The following RALGPS1 variants were observed in gnomAD, a reference collection of about 807,000 sequenced individuals.
RALGPS1 encodes Ral GEF with PH domain and SH3 binding motif 1.
In RALGPS1, 19 loss-of-function variants were observed where a neutral mutation model predicts 78.8. That is an observed-to-expected ratio of 0.24 (90% CI 0.17 to 0.35). The LOEUF is 0.35. Ranked by LOEUF, RALGPS1 falls within the 10% of genes least tolerant of loss-of-function variation. RALGPS1 has a pLI of 1.00. For synonymous variants in RALGPS1, 228 were observed against 256.3 expected (o/e 0.89, Z 1.06); for missense variants, 454 against 688.3 (o/e 0.66, Z 3.81).
intron 8 of RALGPS1, among the ~76,000 whole-genome samples, chr9:127,098,423 T>C (rs2136697233): frequency 6.6e-6 from 1 of 152,220 alleles, no homozygotes; most frequent in Middle Eastern, 3.4e-3. Context: ...AGACCACATT[T>C]ACATTCTTGG....
chr9:127,161,780 A>C (rs1564693720), intron 8 of RALGPS1, among the ~76,000 whole-genome samples: 1 of 152,202 alleles, frequency 6.6e-6, no homozygotes, highest in African/African-American at 2.4e-5. Flanking sequence ...GGCTGGAGTA[A>C]AAGAAGAACC....
At chr9:127,051,541 A>G (rs912749995) in intron 6 of RALGPS1, among the ~76,000 whole-genome samples, 10 of 152,264 alleles carry the variant, frequency 6.6e-5, no homozygotes, top group African/African-American at 2.4e-4. Flanking sequence ...ATGCAGATAC[A>G]TAGAATGAAA....
intron 4 of RALGPS1, among the ~76,000 whole-genome samples, chr9:127,014,716 A>G (rs984364918): frequency 6.6e-6 from 1 of 152,012 alleles, no homozygotes; most frequent in Non-Finnish European, 1.5e-5. Context: ...CTAGGTTGAG[A>G]CAGCCTTCAG....
At position 127,220,651 on chromosome 9, in the gene RALGPS1, G is replaced by A. The variant is rs1446176995; in HGVS notation, c.*1882G>A. The A allele has an allele frequency of 2.0e-5, 3 of 152,192 alleles. No individual in the cohort carries two copies. The highest frequency in any genetic ancestry group is 1.5e-5 in the Non-Finnish European group (1 of 68,046). The allele number at this position is 152,192 out of a possible 1,614,324, so 9.4% of individuals were successfully genotyped here. On this transcript the variant is annotated 3_prime_UTR_variant, in exon 19 of 19. Coordinates refer to ENST00000259351, the MANE Select transcript of RALGPS1 (RefSeq NM_014636.3). Reference sequence around the variant, plus strand: ...TGACAATGCCAAACACTCCACCTCTGATCAGAACCATGCAGTGTTAACACT... The same window carrying A: ...TGACAATGCCAAACACTCCACCTCTAATCAGAACCATGCAGTGTTAACACT...
chr9:127,058,330 C>T (rs1467949230), intron 7 of RALGPS1, among the ~76,000 whole-genome samples: 2 of 152,194 alleles, frequency 1.3e-5, no homozygotes, highest in Non-Finnish European at 1.5e-5. Context: ...CACAATCTGG[C>T]TTCCAGTTGC....
intron 14 of RALGPS1, among the ~76,000 whole-genome samples, chr9:127,199,605 C>CCTCTGCCTCCCTCGAGGATCT (rs2061519813): frequency 6.6e-6 from 1 of 152,122 alleles, no homozygotes; most frequent in Non-Finnish European, 1.5e-5. Context: ...CTCGAGGATC[C>CCTCTGCCTCCCTCGAGGATCT]CTTGGCCCAG....
intron 3 of RALGPS1, among the ~76,000 whole-genome samples, chr9:126,976,949 G>A (rs1415310019): frequency 1.3e-5 from 2 of 152,208 alleles, no homozygotes; most frequent in African/African-American, 2.4e-5. Context: ...AACCTGATGT[G>A]TGTCTTCTCT....
chr9:127,187,426 C>G (rs908431058), intron 11 of RALGPS1, among the ~76,000 whole-genome samples: 1 of 152,252 alleles, frequency 6.6e-6, no homozygotes, highest in Admixed American at 6.5e-5. Context: ...CTGCCTCCAG[C>G]GTGCAGTAGC....
Position 127,108,716 on chromosome 9 carries a change from C to T in RALGPS1, c.610+39360C>T, listed in dbSNP as rs555198827. On this transcript the variant is annotated intron_variant, in intron 8 of 18. Transcript: ENST00000259351. ...AGCAGTCCGAGCCACCAGCATGTCA[C>T]GCACAGTGGCCTCATGGTCCTTGCA... 1.4e-5 allele frequency: 22 copies of T among 1,608,254 alleles called. 2 individuals carry two copies. The highest frequency in any genetic ancestry group is 1.8e-4 in the Middle Eastern group (1 of 5,576).
At chr9:126,922,239 C>T (rs966277967) in intron 1 of RALGPS1, among the ~76,000 whole-genome samples, 1 of 151,920 alleles carries the variant, frequency 6.6e-6, no homozygotes, top group Non-Finnish European at 1.5e-5. Flanking sequence ...TGATACTTTC[C>T]CTCTTCAGGA....
At chr9:127,095,065 G>A (rs189865926) in intron 8 of RALGPS1, among the ~76,000 whole-genome samples, 1 of 152,326 alleles carries the variant, frequency 6.6e-6, no homozygotes, top group Non-Finnish European at 1.5e-5. Flanking sequence ...GAAAATGGCT[G>A]AAAGAAAGAA....
rs7024286 is a variant in RALGPS1 at position 127,089,014 on chromosome 9, A to C, written c.610+19658A>C. The C allele has an allele frequency of 2.0e-3, 3,209 of 1,614,224 alleles. 57 individuals carry two copies. In the African/African-American group the frequency reaches 0.039, roughly 20 times the overall value. Reference sequence around the variant, plus strand: ...GTGAGTAAGAGCCTCCTCGGAACTCAGCCCAGTAGACTCCGTCCTGGTAGC... The same window carrying C: ...GTGAGTAAGAGCCTCCTCGGAACTCCGCCCAGTAGACTCCGTCCTGGTAGC... On this transcript the variant is annotated intron_variant, in intron 8 of 18. Transcript: ENST00000259351.
At chr9:127,168,840 G>A in intron 10 of RALGPS1, 68 bp downstream of exon 10, 1 of 1,328,336 alleles carries the variant, frequency 7.5e-7, no homozygotes, top group South Asian at 1.2e-5. Flanking sequence ...TCAGGTCCCT[G>A]CAAGTGGCCT....
intron 4 of RALGPS1, among the ~76,000 whole-genome samples, chr9:127,023,121 T>C (rs562588507): frequency 3.9e-4 from 60 of 152,200 alleles, no homozygotes; most frequent in Admixed American, 7.8e-4. Flanking sequence ...ATCATCATCA[T>C]CACCACCACC....
intron 1 of RALGPS1, among the ~76,000 whole-genome samples, chr9:126,944,593 A>AG (rs2037088496): frequency 8.7e-5 from 1 of 11,432 alleles, no homozygotes; most frequent in African/African-American, 3.9e-4. Context: ...GTGGGGAGGG[A>AG]GGGTGGGATA....
chr9:127,173,498 ACCT>A (rs1468366141), intron 10 of RALGPS1, among the ~76,000 whole-genome samples: 14 of 151,976 alleles, frequency 9.2e-5, no homozygotes, highest in Admixed American at 9.2e-4. Context: ...GTTTAGTTGC[ACCT>A]GGTGAGTTCT....
At position 127,222,414 on chromosome 9, in the gene RALGPS1, G is replaced by A. The variant is rs1463089837; in HGVS notation, c.*3645G>A. 2 of 152,222 alleles carry A rather than the reference G, an allele frequency of 1.3e-5. No individual in the cohort carries two copies. Among genetic ancestry groups the A allele is most frequent in the African/African-American group, 4.8e-5 (2 of 41,448 alleles). The allele number at this position is 152,222 out of a possible 1,614,324, so 9.4% of individuals were successfully genotyped here. A position where few individuals can be genotyped will look rare whatever the true frequency, so the allele number is the denominator to read the frequency against. On this transcript the variant is annotated 3_prime_UTR_variant, in exon 19 of 19. Transcript: ENST00000259351. ...AGTTGGGCACGCCAAGGATTCCAAA[G>A]GTGGAATGAGAGAGTAGGGTCAAAC...
In RALGPS1 at chr9:127,111,210, G is replaced by A. The variant is rs901331124; in HGVS notation, c.610+41854G>A. ...CTTGCTGGTCCCTGCCCCCTTCTTC[G>A]TTGTTTGTTCCCTTACCTCTTTCAA... On this transcript the variant is annotated intron_variant, in intron 8 of 18. Coordinates refer to ENST00000259351, the MANE Select transcript of RALGPS1 (RefSeq NM_014636.3). 5.9e-5 allele frequency among the ~76,000 whole-genome samples: 9 copies of A among 152,084 alleles called. No individual in the cohort carries two copies. The East Asian group carries it at 1.5e-3, about 26-fold the overall frequency.
chr9:127,052,145 T>C (rs1169436829), intron 6 of RALGPS1, among the ~76,000 whole-genome samples: 2 of 152,212 alleles, frequency 1.3e-5, no homozygotes, highest in African/African-American at 2.4e-5. Flanking sequence ...ACCAGGTCTT[T>C]TGATTCCATA....
Sources: allele counts gnomAD v4.1 joint callset (sites outside exome capture counted in the v4.1 genomes callset), GRCh38; gene constraint gnomAD v4.1.1; transcripts MANE v1.5; gene names NCBI Gene and HGNC (gene_info 2026-07-23, HGNC 2026-07-21).